The following RYR1 variants were observed in gnomAD, a reference collection of about 807,000 sequenced individuals.
RYR1 encodes the protein central core disease of muscle.
RYR1 carries 342 observed loss-of-function variants against 583.5 expected under a neutral mutation model. The observed-to-expected ratio is 0.59, with a 90% CI of 0.54 to 0.64. The LOEUF (loss-of-function observed/expected upper bound fraction) is 0.64. Among genes scored for constraint, RYR1 ranks in the 30% least tolerant of loss-of-function variants. The pLI is 0.00. For synonymous variants in RYR1, 2,791 were observed against 2,822.5 expected (o/e 0.99, Z 0.35); for missense variants, 6,032 against 6,917.2 (o/e 0.87, Z 4.54).
At chr19:38,528,195 G>A (rs373490291) in intron 73 of RYR1, 111 bp from the exon 74 acceptor site, 80 of 881,172 alleles carry the variant, frequency 9.1e-5, no homozygotes, top group South Asian at 7.5e-4. Context: ...CTTCTGCCGT[G>A]TGAGTCTTAA....
Position 38,453,022 on chromosome 19 carries a change from C to G in RYR1, c.1440+8C>G, listed in dbSNP as rs778505862. The G allele has an allele frequency of 3.2e-6, 5 of 1,574,272 alleles. No homozygotes were observed. The Admixed American group carries it at 8.5e-5, about 27-fold the overall frequency. Reference sequence around the variant, plus strand: ...AGCCTCTTCCAGGAGGAGGTGAGGACGTGGCGAGGGCGGAGCGGGGCCTGT... The same window carrying G: ...AGCCTCTTCCAGGAGGAGGTGAGGAGGTGGCGAGGGCGGAGCGGGGCCTGT... On this transcript the variant is annotated splice_region_variant and intron_variant, in intron 13 of 105. Transcript: ENST00000359596.
At chr19:38,528,517 T>C in intron 74 of RYR1, 82 bp from the exon 75 acceptor site, 1 of 1,588,748 alleles carries the variant, frequency 6.3e-7, no homozygotes, top group Non-Finnish European at 8.6e-7. Context: ...GCCTTGAGGG[T>C]GGTTGGGGGC....
intron 101 of RYR1, among the ~76,000 whole-genome samples, 180 bp downstream of exon 101, chr19:38,580,684 A>C (rs1426420670): frequency 6.6e-6 from 1 of 151,916 alleles, no homozygotes; most frequent in Non-Finnish European, 1.5e-5. Context: ...ACAAAGCAAA[A>C]ATCCTGTCTC....
Position 38,463,834 on chromosome 19 carries a change from T to C in RYR1, c.2770T>C (p.Ser924Pro). The change falls in exon 22 of 106, where the codon TCT becomes CCT. Residue 924 changes from serine to proline, a missense_variant. Physicochemically the swap from Ser to Pro is moderately conservative, Grantham distance 74. Around this residue, in one of 11 missense-constraint regions of RYR1, gnomAD observed 2,627 missense variants for 2,961.3 expected, o/e 0.89. Coordinates refer to ENST00000359596, the MANE Select transcript of RYR1 (RefSeq NM_000540.3). The part of the protein sequence containing the change: ...EPERNYNLQM[S>P]GETLKTLLAL... Reference sequence around the variant, plus strand: ...TGAGAGGAACTACAACCTGCAGATGTCTGGGGAGACGCTCAAGTGAGGGCC... The same window carrying C: ...TGAGAGGAACTACAACCTGCAGATGCCTGGGGAGACGCTCAAGTGAGGGCC... 6.2e-7 allele frequency: 1 copy of C among 1,613,656 alleles called. No individual in the cohort carries two copies. Among genetic ancestry groups the C allele is most frequent in the Non-Finnish European group, 8.5e-7 (1 of 1,179,898 alleles).
Position 38,516,143 on chromosome 19 carries a change from C to T in RYR1, c.9611C>T (p.Ala3204Val), listed in dbSNP as rs915594077. The change falls in exon 65 of 106, where the codon GCG becomes GTG. Residue 3204 changes from alanine to valine, a missense_variant. Physicochemically the swap from Ala to Val is moderately conservative, Grantham distance 64. This residue lies in a region of RYR1 where 1,493 missense variants were observed against 1,715.5 expected (regional missense o/e 0.87). Transcript: ENST00000359596. ...CGTCTGGCAGCAGCCATGCCGGTGG[C>T]GTTCCTGGAGCCGCAGCTGAACGAG... ...LARLAAAMPV[A>V]FLEPQLNEYN... The T allele has an allele frequency of 3.2e-6, 5 of 1,552,924 alleles. No individual in the cohort carries two copies. The highest frequency in any genetic ancestry group is 2.4e-5 in the East Asian group (1 of 41,196).
intron 38 of RYR1, 108 bp from the exon 39 acceptor site, chr19:38,494,244 G>A: frequency 7.4e-7 from 1 of 1,352,496 alleles, no homozygotes; most frequent in Non-Finnish European, 1.0e-6. Flanking sequence ...GGTAGTAACT[G>A]GGAAAACTTC....
chr19:38,518,421 AAAG>A (rs1337660639), intron 66 of RYR1, among the ~76,000 whole-genome samples: 1 of 151,224 alleles, frequency 6.6e-6, no homozygotes, highest in Non-Finnish European at 1.5e-5. Flanking sequence ...AAAAAAAAAA[AAAG>A]AAATATTTGT....
At position 38,475,325 on chromosome 19, in the gene RYR1, T is replaced by G; in HGVS notation, c.4168T>G (p.Phe1390Val). The part of the protein sequence containing the change: ...TEKNKKRGFL[F>V]KAKKVAMMTQ... ...CTCTCCTCCCACTACCAGCTTCTTA[T>G]TCAAGGCCAAGAAGGTCGCCATGAT... The change falls in exon 29 of 106, where the codon TTC (phenylalanine) becomes GTC (valine). Residue 1390 changes from phenylalanine to valine, a missense_variant. Around this residue, in one of 11 missense-constraint regions of RYR1, gnomAD observed 2,627 missense variants for 2,961.3 expected, o/e 0.89. Transcript: ENST00000359596. The G allele has an allele frequency of 6.3e-7, 1 of 1,589,972 alleles. No homozygotes were observed. Among genetic ancestry groups the G allele is most frequent in the South Asian group, 1.1e-5 (1 of 87,904 alleles).
intron 90 of RYR1, among the ~76,000 whole-genome samples, chr19:38,563,061 G>A (rs1180893521): frequency 1.3e-5 from 2 of 152,128 alleles, no homozygotes; most frequent in East Asian, 1.9e-4. Flanking sequence ...TTCTTTGCAC[G>A]TGCTGGGGGA....
chr19:38,548,718 C>T (rs999331045), intron 89 of RYR1, among the ~76,000 whole-genome samples: 1 of 152,078 alleles, frequency 6.6e-6, no homozygotes, highest in East Asian at 1.9e-4. Flanking sequence ...GTTGGGACGA[C>T]GGGTGTGTGA....
Position 38,546,621 on chromosome 19 carries a change from C to G in RYR1, c.12094+95C>G, listed in dbSNP as rs117551910. 21,132 of 953,150 alleles carry G rather than the reference C, an allele frequency of 0.022. 577 individuals carry two copies. Among genetic ancestry groups the G allele is most frequent in the Admixed American group, 0.096 (5,181 of 54,240 alleles). The allele number at this position is 953,150 out of a possible 1,614,324, so 59.0% of individuals were successfully genotyped here. A position where few individuals can be genotyped will look rare whatever the true frequency, so the allele number is the denominator to read the frequency against. On this transcript the variant is annotated intron_variant, in intron 88 of 105. Transcript: ENST00000359596. ...GACCCGGGAGACCCTAATCCTCAAC[C>G]CCATCTGACATCGTGTCAGGATCCA... is the stretch of plus-strand genomic sequence containing the variant.
At chr19:38,528,473 G>A (rs933211955) in intron 74 of RYR1, 55 bp downstream of exon 74, 9 of 1,601,808 alleles carry the variant, frequency 5.6e-6, no homozygotes, top group Non-Finnish European at 7.7e-6. Flanking sequence ...AGGGTGGCTG[G>A]AGAGTCTGGA....
chr19:38,580,961 C>G (rs1001230445), intron 101 of RYR1, among the ~76,000 whole-genome samples: 1 of 149,752 alleles, frequency 6.7e-6, no homozygotes, highest in African/African-American at 2.5e-5. Context: ...TGCAGTGGCG[C>G]AATCTCAGCT....
In RYR1 at chr19:38,523,291, C is replaced by G. The variant is rs769661588; in HGVS notation, c.10422C>G (p.Asn3474Lys). The G allele has an allele frequency of 2.7e-5, 43 of 1,614,108 alleles. No individual in the cohort carries two copies. The highest frequency in any genetic ancestry group is 3.6e-5 in the Non-Finnish European group (43 of 1,180,048). Residue 3474 changes from asparagine to lysine, a missense_variant, in exon 69 of 106, where the codon AAC (asparagine) becomes AAG (lysine). By Grantham distance (94) the Asn-to-Lys change is moderately conservative. Around this residue, in one of 11 missense-constraint regions of RYR1, gnomAD observed 1,493 missense variants for 1,715.5 expected, o/e 0.87. Transcript: ENST00000359596. Reference sequence around the variant, plus strand: ...ACATGTCCTTCCTGACTGCTGACAACAAAAGCAAAATGGCTAAGGTCGGGG... The same window carrying G: ...ACATGTCCTTCCTGACTGCTGACAAGAAAAGCAAAATGGCTAAGGTCGGGG... Reference protein sequence around the residue: ...INNMSFLTADNKSKMAKAGDI... With the variant: ...INNMSFLTADKKSKMAKAGDI...
intron 56 of RYR1, 107 bp downstream of exon 56, chr19:38,506,653 A>T (rs1970466019): frequency 1.3e-6 from 2 of 1,494,824 alleles, no homozygotes; most frequent in Non-Finnish European, 1.8e-6. Context: ...GTAGATGGGA[A>T]TAATAACAGC....
chr19:38,459,264 C>T lies in RYR1; in HGVS notation c.2286C>T (p.Pro762=), dbSNP rs3745847. The change falls in exon 19 of 106, where the codon CCC becomes CCT. Residue 762 remains proline (P), a synonymous_variant. Coordinates refer to ENST00000359596, the MANE Select transcript of RYR1 (RefSeq NM_000540.3). ...PSISFRINGC[P]VQGVFESFNL... ...TCTCCTTCCGCATCAACGGCTGCCC[C>T]GTGCAGGGTGTCTTTGAGTCCTTCA... 1,029,727 of 1,613,638 alleles carry T rather than the reference C, an allele frequency of 0.64. 332,257 individuals are homozygous for T. The highest frequency in any genetic ancestry group is 0.69 in the Admixed American group (41,233 of 59,990).
chr19:38,537,906 T>C lies in RYR1; in HGVS notation c.11635T>C (p.Phe3879Leu). The C allele has an allele frequency of 6.2e-7, 1 of 1,614,120 alleles. No individual in the cohort carries two copies. The highest frequency in any genetic ancestry group is 1.7e-4 in the Middle Eastern group (1 of 6,022). ...AGAGAAGGTCATGGCGGATGATGAA[T>C]TCACACAAGACCTGTTCCGATTCCT... The part of the protein sequence containing the change: ...NGEKVMADDE[F>L]TQDLFRFLQL... The change falls in exon 84 of 106, where the codon TTC (phenylalanine) becomes CTC (leucine). Residue 3879 changes from phenylalanine (F) to leucine (L), a missense_variant. Phe to Leu is a conservative substitution (Grantham distance 22). Around this residue, in one of 11 missense-constraint regions of RYR1, gnomAD observed 1,493 missense variants for 1,715.5 expected, o/e 0.87. Transcript: ENST00000359596.
At position 38,463,407 on chromosome 19, in the gene RYR1, G is replaced by T; in HGVS notation, c.2578-16G>T. 6.2e-7 allele frequency: 1 copy of T among 1,611,492 alleles called. No individual in the cohort carries two copies. Among genetic ancestry groups the T allele is most frequent in the Non-Finnish European group, 8.5e-7 (1 of 1,178,298 alleles). On this transcript the variant is annotated splice_polypyrimidine_tract_variant and intron_variant, in intron 20 of 105. Transcript: ENST00000359596. ...AGAGGGACCTTGGGGTCTCAAGAAC[G>T]TCCCTCTGCCTCTAGATTGTCCTGC...
rs757332415 is a variant in RYR1, at chr19:38,548,366, C to T, written c.12228C>T (p.Phe4076=). The T allele has an allele frequency of 6.8e-6, 11 of 1,614,066 alleles. No individual in the cohort carries two copies. Among genetic ancestry groups the T allele is most frequent in the Non-Finnish European group, 8.5e-6 (10 of 1,180,038 alleles). The change falls in exon 89 of 106, where the codon TTC becomes TTT. Residue 4076 remains phenylalanine, a synonymous_variant. Coordinates refer to ENST00000359596, the MANE Select transcript of RYR1 (RefSeq NM_000540.3). ...KLKDIVGSEA[F]QDYVTDPRGL... is the part of the protein sequence containing the mutation. ...AGGACATTGTGGGCTCTGAAGCCTT[C>T]CAGGACTACGTAACGGATCCCCGTG...
Sources: allele counts gnomAD v4.1 joint callset (sites outside exome capture counted in the v4.1 genomes callset), GRCh38; gene constraint gnomAD v4.1.1; regional missense constraint gnomAD v4.1.1; transcripts MANE v1.5; gene names NCBI Gene and HGNC (gene_info 2026-07-23, HGNC 2026-07-21).